SYT1: variants seen among roughly 807,000 people sequenced by gnomAD.
SYT1 encodes the protein synaptotagmin 1.
A neutral mutation model predicts 44.8 loss-of-function variants in SYT1; 8 were observed. The ratio of observed to expected loss-of-function variants is 0.18; its 90% CI spans 0.10 to 0.32. The LOEUF (loss-of-function observed/expected upper bound fraction) is 0.32, where lower values mean the gene tolerates loss of function less well. Among genes scored for constraint, SYT1 ranks in the 10% least tolerant of loss-of-function variants. The pLI is 1.00. For missense variants in SYT1, 286 were observed against 509.3 expected (o/e 0.56, Z 4.22); for synonymous variants, 154 against 188.8 (o/e 0.82, Z 1.51).
intron 3 of SYT1, among the ~76,000 whole-genome samples, chr12:79,128,767 T>C (rs1194484100): frequency 6.6e-6 from 1 of 152,204 alleles, no homozygotes; most frequent in African/African-American, 2.4e-5. Flanking sequence ...TCCCTGAACT[T>C]GAAGTATAAT....
At chr12:79,291,592 G>T (rs1018742975) in intron 5 of SYT1, among the ~76,000 whole-genome samples, 1 of 152,162 alleles carries the variant, frequency 6.6e-6, no homozygotes, top group Non-Finnish European at 1.5e-5. Context: ...TTATTCCACT[G>T]CATGTAGCGA....
chr12:79,040,037 G>A (rs1347667056), intron 2 of SYT1, among the ~76,000 whole-genome samples: 2 of 151,816 alleles, frequency 1.3e-5, no homozygotes, highest in African/African-American at 4.8e-5. Context: ...GGACATTTGG[G>A]TTGGTTCCAA....
chr12:79,044,337 T>G (rs1224273003), intron 2 of SYT1, among the ~76,000 whole-genome samples: 2 of 152,134 alleles, frequency 1.3e-5, no homozygotes, highest in East Asian at 1.9e-4. Flanking sequence ...TTTTTATTCT[T>G]TTTTCTCTAA....
chr12:78,951,449 A>G (rs903508812), intron 1 of SYT1, among the ~76,000 whole-genome samples: 12 of 152,278 alleles, frequency 7.9e-5, no homozygotes, highest in African/African-American at 2.4e-4. Context: ...AATGTCGACT[A>G]TAAGGTGAAA....
chr12:79,312,974 A>G (rs1188799852), intron 8 of SYT1, among the ~76,000 whole-genome samples: 7 of 152,356 alleles, frequency 4.6e-5, no homozygotes, highest in Middle Eastern at 3.4e-3. Context: ...TGACAATGAA[A>G]GGAATACCTT....
chr12:79,388,463 G>A (rs1884525494), intron 9 of SYT1, among the ~76,000 whole-genome samples: 1 of 152,090 alleles, frequency 6.6e-6, no homozygotes, highest in Admixed American at 6.6e-5. Flanking sequence ...GGGAGGGTGA[G>A]GTGGGTGGAC....
At chr12:78,877,429 T>G (rs1874233051) in intron 1 of SYT1, among the ~76,000 whole-genome samples, 1 of 151,632 alleles carries the variant, frequency 6.6e-6, no homozygotes, top group Non-Finnish European at 1.5e-5. Context: ...CAAGATGATA[T>G]CTGGGTGGGG....
intron 3 of SYT1, among the ~76,000 whole-genome samples, chr12:79,148,026 G>GGA (rs558616195): frequency 6.6e-5 from 10 of 151,488 alleles, no homozygotes; most frequent in African/African-American, 2.4e-4. Context: ...AAACATTAAT[G>GGA]AAAAAAAAGA....
chr12:79,055,690 C>T (rs141728813), intron 3 of SYT1, among the ~76,000 whole-genome samples: 6 of 151,928 alleles, frequency 3.9e-5, no homozygotes, highest in Admixed American at 6.6e-5. Flanking sequence ...CTATTTTATA[C>T]GTTTCATATG....
At position 79,167,069 on chromosome 12, in the gene SYT1, G is replaced by A. The variant is rs554696729; in HGVS notation, c.-17-50434G>A. The stretch of plus-strand genomic sequence containing the variant: ...ACTTATTAAATATGGCATAAGTAAA[G>A]GAATGACATTTACAACAAAATAAAT... On this transcript the variant is annotated intron_variant, in intron 3 of 10. Transcript: ENST00000261205. 5.4e-4 allele frequency among the ~76,000 whole-genome samples: 82 copies of A among 152,000 alleles called. No homozygotes were observed. In the Middle Eastern group the frequency reaches 0.014, roughly 25 times the overall value.
intron 3 of SYT1, among the ~76,000 whole-genome samples, chr12:79,126,732 A>G (rs1868467139): frequency 6.6e-6 from 1 of 152,184 alleles, no homozygotes; most frequent in African/African-American, 2.4e-5. Flanking sequence ...AGTGTCCTAG[A>G]TGTCCTGGAT....
intron 9 of SYT1, among the ~76,000 whole-genome samples, chr12:79,386,737 G>A (rs1222792907): frequency 6.6e-6 from 1 of 152,116 alleles, no homozygotes; most frequent in Non-Finnish European, 1.5e-5. Context: ...AAACGTCTCA[G>A]TGCCTGTTCC....
At chr12:79,101,939 T>C (rs1878468168) in intron 3 of SYT1, among the ~76,000 whole-genome samples, 1 of 150,818 alleles carries the variant, frequency 6.6e-6, no homozygotes, top group Non-Finnish European at 1.5e-5. Context: ...AATTAATTAA[T>C]AAAATAAAAG....
chr12:79,099,137 TA>T (rs530374243), intron 3 of SYT1, among the ~76,000 whole-genome samples: 1 of 152,108 alleles, frequency 6.6e-6, no homozygotes, highest in Non-Finnish European at 1.5e-5. Context: ...TTTAACTAAA[TA>T]AAGGCAATGC....
chr12:79,226,905 G>C (rs977437835), intron 4 of SYT1, among the ~76,000 whole-genome samples: 1 of 152,066 alleles, frequency 6.6e-6, no homozygotes, highest in Non-Finnish European at 1.5e-5. Context: ...AATTCCTTTA[G>C]GACTATAAGA....
intron 1 of SYT1, among the ~76,000 whole-genome samples, chr12:78,930,518 A>T (rs542943045): frequency 5.9e-5 from 9 of 152,176 alleles, no homozygotes; most frequent in Admixed American, 1.3e-4. Flanking sequence ...TGACTCAGAG[A>T]TTTTTAGAAA....
At chr12:79,224,694 G>A (rs1483653383) in intron 4 of SYT1, among the ~76,000 whole-genome samples, 3 of 151,544 alleles carry the variant, frequency 2.0e-5, no homozygotes, top group Non-Finnish European at 4.4e-5. Context: ...GAGCAGAGGT[G>A]TCCCATGATC....
At chr12:79,038,246 T>C (rs1259325936) in intron 2 of SYT1, among the ~76,000 whole-genome samples, 1 of 151,128 alleles carries the variant, frequency 6.6e-6, no homozygotes, top group Non-Finnish European at 1.5e-5. Context: ...TATATATATA[T>C]AGTTGTCCAA....
chr12:78,905,525 T>C (rs1479526026), intron 1 of SYT1, among the ~76,000 whole-genome samples: 1 of 152,142 alleles, frequency 6.6e-6, no homozygotes, highest in Non-Finnish European at 1.5e-5. Flanking sequence ...TCCTTCAAAG[T>C]CATACAATTT....
Sources: allele counts gnomAD v4.1 joint callset (sites outside exome capture counted in the v4.1 genomes callset), GRCh38; gene constraint gnomAD v4.1.1; transcripts MANE v1.5; gene names NCBI Gene and HGNC (gene_info 2026-07-23, HGNC 2026-07-21).